The following SCN2B variants were observed in gnomAD, a reference collection of about 807,000 sequenced individuals.
SCN2B encodes the protein sodium channel regulatory subunit beta-2.
A neutral mutation model predicts 18.2 loss-of-function variants in SCN2B; 14 were observed. The ratio of observed to expected loss-of-function variants is 0.77; its 90% confidence interval spans 0.51 to 1.21. The LOEUF (loss-of-function observed/expected upper bound fraction) is 1.21. Among genes scored for constraint, SCN2B ranks in the 50% most tolerant of loss-of-function variants. The pLI, the probability that SCN2B is intolerant of heterozygous loss-of-function variation, is 0.00. For synonymous variants in SCN2B, 115 were observed against 115.3 expected, an observed-to-expected ratio of 1.00 and a Z score of 0.02; for missense variants, 262 against 286.9, an observed-to-expected ratio of 0.91 and a Z score of 0.63.
chr11:118,176,465 C>T lies in SCN2B; in HGVS notation c.-34G>A, dbSNP rs370726229. On this transcript the variant is annotated 5_prime_UTR_variant, in exon 1 of 4. Transcript: ENST00000278947. ...ACTGAGATGTTAGTCGGGTGGGCTACGGGAGAGGGTGATTTGAGGGGGCGA... is the reference window on the plus strand; with the variant it reads ...ACTGAGATGTTAGTCGGGTGGGCTATGGGAGAGGGTGATTTGAGGGGGCGA... 41 of 1,568,390 alleles carry T rather than the reference C, an allele frequency of 2.6e-5. No individual in the cohort carries two copies. The African/African-American group carries it at 4.2e-4, about 16-fold the overall frequency.
intron 1 of SCN2B, 124 bp downstream of exon 1, chr11:118,176,237 TC>T: frequency 1.1e-6 from 1 of 899,788 alleles, no homozygotes. Flanking sequence ...CCCCAGCACC[TC>T]CCCTCCCAAG....
intron 1 of SCN2B, among the ~76,000 whole-genome samples, chr11:118,170,492 A>T (rs1348465830): frequency 6.6e-6 from 1 of 152,132 alleles, no homozygotes; most frequent in African/African-American, 2.4e-5. Context: ...TTAGGCAGGG[A>T]CCAGCTCACA....
chr11:118,163,508 G>A lies in SCN2B; in HGVS notation c.*3379C>T, dbSNP rs611979. On this transcript the variant is annotated 3_prime_UTR_variant, in exon 4 of 4. Transcript: ENST00000278947. ...ACTGTGAAGAGTCCATAGCTAGGGGGCAGATAGCTATTTCCAAAGCCAGTT... is the reference window on the plus strand; with the variant it reads ...ACTGTGAAGAGTCCATAGCTAGGGGACAGATAGCTATTTCCAAAGCCAGTT... 28,345 of 152,442 alleles carry A rather than the reference G, an allele frequency of 0.19. 4,105 individuals are homozygous for A. Among genetic ancestry groups the A allele is most frequent in the African/African-American group, 0.41 (16,905 of 41,322 alleles). The allele number at this position is 152,442 out of a possible 1,614,324, so 9.4% of individuals were successfully genotyped here.
rs376823705 is a variant in SCN2B at position 118,176,387 on chromosome 11, C to T, written c.45G>A (p.Thr15=). 25 of 1,614,044 alleles carry T rather than the reference C, an allele frequency of 1.5e-5. No homozygotes were observed. The highest frequency in any genetic ancestry group is 1.8e-5 in the Non-Finnish European group (21 of 1,179,968). ...AWLPRPAFSL[T]GLSLFFSLVP... is the part of the protein sequence containing the mutation. ...CCAAAGAGAAAAAGAGACTGAGCCC[C>T]GTGAGGCTGAAGGCAGGGCGAGGTA... The change falls in exon 1 of 4, where the codon ACG becomes ACA. Residue 15 remains threonine, a synonymous_variant. Coordinates refer to ENST00000278947, the MANE Select transcript of SCN2B (RefSeq NM_004588.5).
intron 1 of SCN2B, among the ~76,000 whole-genome samples, chr11:118,172,818 C>A (rs148188695): frequency 1.7e-3 from 258 of 152,156 alleles, no homozygotes; most frequent in African/African-American, 5.9e-3. Flanking sequence ...CTGTCTCTTG[C>A]AGAGACTGGA....
intron 1 of SCN2B, among the ~76,000 whole-genome samples, chr11:118,175,340 A>G (rs2134622812): frequency 6.6e-6 from 1 of 152,326 alleles, no homozygotes; most frequent in South Asian, 2.1e-4. Flanking sequence ...TCCTGCTCTG[A>G]TGTTAATATG....
intron 1 of SCN2B, among the ~76,000 whole-genome samples, chr11:118,175,930 C>T (rs573770658): frequency 6.6e-6 from 1 of 152,286 alleles, no homozygotes; most frequent in East Asian, 1.9e-4. Context: ...CTCCCCTGCA[C>T]ACTCTCCTAA....
In SCN2B at chr11:118,168,177, G is replaced by A. The variant is rs767589740; in HGVS notation, c.356C>T (p.Pro119Leu). Residue 119 changes from proline (P) to leucine (L), a missense_variant, in exon 3 of 4, where the codon CCG becomes CTG. Coordinates refer to ENST00000278947, the MANE Select transcript of SCN2B (RefSeq NM_004588.5). This position sits in a 1 kb window ranked among gnomAD's most constrained non-coding sequence, Gnocchi z 4.7. ...DVSVMLRNVQ[P>L]EDEGIYNCYI... ...GCAGTTGTAAATCCCCTCATCCTCC[G>A]GCTGCACGTTTCTCAGCATCACCGA... 148 of 1,614,036 alleles carry A rather than the reference G, an allele frequency of 9.2e-5. 2 individuals carry two copies. The South Asian group carries it at 1.2e-3, about 14-fold the overall frequency.
chr11:118,174,800 C>T (rs559898817), intron 1 of SCN2B, among the ~76,000 whole-genome samples: 14 of 152,300 alleles, frequency 9.2e-5, no homozygotes, highest in African/African-American at 1.4e-4. Context: ...TCTCACCAGG[C>T]GGCTTCTCTC....
intron 1 of SCN2B, among the ~76,000 whole-genome samples, chr11:118,171,257 A>G (rs12294669): frequency 0.071 from 10,859 of 152,240 alleles, 566 homozygotes; most frequent in African/African-American, 0.15. Context: ...CATTAGGGGA[A>G]TAAGGACTGG....
In SCN2B at chr11:118,166,943, T is replaced by C. The variant is rs747976411; in HGVS notation, c.592A>G (p.Thr198Ala). ...EQKLSTDDLKTEEEGKTDGEG... is the reference protein window; with the variant it reads ...EQKLSTDDLKAEEEGKTDGEG... Reference sequence around the variant, plus strand: ...CCGTCCGTCTTGCCCTCCTCCTCGGTCTTCAGGTCATCTGTGCTCAGCTTC... The same window carrying C: ...CCGTCCGTCTTGCCCTCCTCCTCGGCCTTCAGGTCATCTGTGCTCAGCTTC... The change falls in exon 4 of 4, where the codon ACC (threonine) becomes GCC (alanine). Residue 198 changes from threonine (T) to alanine (A), a missense_variant. Transcript: ENST00000278947. The C allele has an allele frequency of 6.2e-7, 1 of 1,614,122 alleles. No homozygotes were observed. The highest frequency in any genetic ancestry group is 8.5e-7 in the Non-Finnish European group (1 of 1,180,026).
In SCN2B at chr11:118,176,379, C is replaced by T. The variant is rs777654507; in HGVS notation, c.53G>A (p.Ser18Asn). ...PRPAFSLTGL[S>N]LFFSLVPPGR... Reference sequence around the variant, plus strand: ...TAACTTACCCAAAGAGAAAAAGAGACTGAGCCCCGTGAGGCTGAAGGCAGG... The same window carrying T: ...TAACTTACCCAAAGAGAAAAAGAGATTGAGCCCCGTGAGGCTGAAGGCAGG... Residue 18 changes from serine to asparagine, a missense_variant, in exon 1 of 4, where the codon AGT (serine) becomes AAT (asparagine). Ser to Asn is a conservative substitution (Grantham distance 46, BLOSUM62 1). Coordinates refer to ENST00000278947, the MANE Select transcript of SCN2B (RefSeq NM_004588.5). 46 of 1,613,914 alleles carry T rather than the reference C, an allele frequency of 2.9e-5. No individual in the cohort carries two copies. Among genetic ancestry groups the T allele is most frequent in the Non-Finnish European group, 3.7e-5 (44 of 1,179,964 alleles).
intron 1 of SCN2B, among the ~76,000 whole-genome samples, chr11:118,174,854 T>A (rs1948457198): frequency 6.6e-6 from 1 of 152,222 alleles, no homozygotes; most frequent in African/African-American, 2.4e-5. Context: ...GGTCCTGTCC[T>A]CCAGCTGGGC....
rs1187632361 is a variant in SCN2B at position 118,168,764 on chromosome 11, C to G, written c.71-13G>C. The G allele has an allele frequency of 1.1e-5, 18 of 1,613,940 alleles. No homozygotes were observed. Among genetic ancestry groups the G allele is most frequent in the African/African-American group, 2.7e-5 (2 of 74,922 alleles). On this transcript the variant is annotated splice_polypyrimidine_tract_variant and intron_variant, in intron 1 of 3. Coordinates refer to ENST00000278947, the MANE Select transcript of SCN2B (RefSeq NM_004588.5). This position sits in a 1 kb window ranked among gnomAD's most constrained non-coding sequence, Gnocchi z 4.7. The stretch of plus-strand genomic sequence containing the variant: ...CGTCCTGGTGGCACTGCAGATGAAG[C>G]CACAAGCTGGTGAGGAGTCTGGCTG...
rs945239224 is a variant in SCN2B at position 118,163,191 on chromosome 11, A to G, written c.*3696T>C. The G allele has an allele frequency of 2.0e-4, 30 of 152,602 alleles. No individual in the cohort carries two copies. The highest frequency in any genetic ancestry group is 7.2e-4 in the African/African-American group (30 of 41,452). The allele number at this position is 152,602 out of a possible 1,614,324, so 9.5% of individuals were successfully genotyped here. On this transcript the variant is annotated 3_prime_UTR_variant, in exon 4 of 4. Coordinates refer to ENST00000278947, the MANE Select transcript of SCN2B (RefSeq NM_004588.5). ...ATACCTAGAGAGAGAGACTATGTAC[A>G]GTGCATCAGCAAGCTTCAATAAAGG...
chr11:118,173,070 C>T (rs1394631843), intron 1 of SCN2B, among the ~76,000 whole-genome samples: 3 of 152,096 alleles, frequency 2.0e-5, no homozygotes, highest in African/African-American at 4.8e-5. Flanking sequence ...CCCGTGCAGC[C>T]AGGAGCAACC....
At chr11:118,172,259 A>G (rs679327) in intron 1 of SCN2B, among the ~76,000 whole-genome samples, 65,581 of 152,250 alleles carry the variant, frequency 0.43, 18,556 homozygotes, top group African/African-American at 0.82. Flanking sequence ...CACTGTCTAC[A>G]TACTCTACAT....
In SCN2B at chr11:118,168,524, G is replaced by C; in HGVS notation, c.237+61C>G. ...GTGCCGGGGCCGGTGGTGGGACCAG[G>C]GGCTTCATGCCATGGGGCTCCTACC... On this transcript the variant is annotated intron_variant, in intron 2 of 3. Transcript: ENST00000278947. The surrounding 1 kb of genome is among the most constrained non-coding windows in gnomAD (Gnocchi z 4.7). The C allele has an allele frequency of 6.2e-7, 1 of 1,606,524 alleles. No individual in the cohort carries two copies. The highest frequency in any genetic ancestry group is 8.5e-7 in the Non-Finnish European group (1 of 1,173,624).
Position 118,168,822 on chromosome 11 carries a change from T to G in SCN2B, c.71-71A>C. 1 of 1,554,148 alleles carries G rather than the reference T, an allele frequency of 6.4e-7. No homozygotes were observed. The highest frequency in any genetic ancestry group is 8.9e-7 in the Non-Finnish European group (1 of 1,127,532). ...TGGGGAGGGGCAAGCCCTCTGTGCCTGGGAGTGTTGGGGGATGAGGCAGAG... is the reference window on the plus strand; with the variant it reads ...TGGGGAGGGGCAAGCCCTCTGTGCCGGGGAGTGTTGGGGGATGAGGCAGAG... On this transcript the variant is annotated intron_variant, in intron 1 of 3. Transcript: ENST00000278947. The surrounding 1 kb of genome is among the most constrained non-coding windows in gnomAD (Gnocchi z 4.7).
Sources: gnomAD v4.1 joint callset for allele counts (sites outside exome capture counted in the v4.1 genomes callset) on GRCh38, gnomAD v4.1.1 for gene constraint, Gnocchi (gnomAD v3.1) non-coding constraint, MANE v1.5 for transcripts, NCBI Gene and HGNC (gene_info 2026-07-23, HGNC 2026-07-21) for gene names.